The following HSP90AA1 variants were observed in gnomAD, a reference collection of about 807,000 sequenced individuals.
HSP90AA1 encodes the protein heat shock protein 90 alpha family class A member 1.
A neutral mutation model predicts 73.3 loss-of-function variants in HSP90AA1; 18 were observed. The ratio of observed to expected loss-of-function variants is 0.25; its 90% CI spans 0.17 to 0.36. The LOEUF is 0.36. Ranked by LOEUF, HSP90AA1 falls within the 10% of genes least tolerant of loss-of-function variation. The pLI is 1.00. For synonymous variants in HSP90AA1, 477 were observed against 296.9 expected (o/e 1.61, Z -6.24); for missense variants, 704 against 874.2 (o/e 0.81, Z 2.45).
chr14:102,085,541 T>C (rs2049207482), intron 3 of HSP90AA1, 110 bp from the exon 4 acceptor site: 8 of 1,252,148 alleles, frequency 6.4e-6, no homozygotes, highest in Non-Finnish European at 9.2e-6. Context: ...TTACTACAGA[T>C]GCAAAGGCCA....
chr14:102,089,650 C>G (rs575991489), upstream of HSP90AA1, among the ~76,000 whole-genome samples: 209 of 152,212 alleles, frequency 1.4e-3, 1 homozygote, highest in African/African-American at 4.8e-3. Context: ...CGGAAGAGCC[C>G]GGCCAGGACT....
intron 1 of HSP90AA1, among the ~76,000 whole-genome samples, chr14:102,121,227 A>C (rs2049775204): frequency 6.6e-6 from 1 of 151,012 alleles, no homozygotes; most frequent in Admixed American, 6.6e-5. Flanking sequence ...TATATTTTGG[A>C]TATGTTTTCA....
chr14:102,133,627 G>A (rs1242102514), intron 1 of HSP90AA1, among the ~76,000 whole-genome samples: 1 of 151,844 alleles, frequency 6.6e-6, no homozygotes, highest in Non-Finnish European at 1.5e-5. Flanking sequence ...GGGATTACAG[G>A]CATATGGCAC....
At chr14:102,114,859 G>C (rs1001456860) in intron 1 of HSP90AA1, among the ~76,000 whole-genome samples, 2 of 152,088 alleles carry the variant, frequency 1.3e-5, no homozygotes, top group African/African-American at 4.8e-5. Flanking sequence ...AATTGGCCAG[G>C]CATGGTGGCT....
chr14:102,085,246 AC>A, intron 4 of HSP90AA1, 51 bp downstream of exon 4: 3 of 1,575,896 alleles, frequency 1.9e-6, no homozygotes, highest in Non-Finnish European at 2.6e-6. Context: ...TAGTACAGTC[AC>A]CCCAATCACC....
intron 1 of HSP90AA1, among the ~76,000 whole-genome samples, chr14:102,136,192 A>C (rs551745037): frequency 6.6e-6 from 1 of 152,362 alleles, no homozygotes; most frequent in African/African-American, 2.4e-5. Context: ...AGAAGGAATT[A>C]ATGCACAAAA....
chr14:102,113,365 TTTAA>T lies in HSP90AA1; in HGVS notation c.156-11284_156-11281del, dbSNP rs772803863. 1.7e-3 allele frequency among the ~76,000 whole-genome samples: 254 copies of T among 151,264 alleles called. 3 individuals are homozygous for T. The highest frequency in any genetic ancestry group is 1.0e-3 in the South Asian group (5 of 4,784). On this transcript the variant is annotated intron_variant, in intron 1 of 11. Transcript: ENST00000334701. Reference sequence around the variant, plus strand: ...TTCTCTCTCTCTCTCTCTTTCTTTCTTTAATTAATTTATTTATTTTTGAGACAGA... The same window carrying T: ...TTCTCTCTCTCTCTCTCTTTCTTTCTTTAATTTATTTATTTTTGAGACAGA...
At chr14:102,097,864 T>C (rs965477023) in intron 2 of HSP90AA1, among the ~76,000 whole-genome samples, 6 of 152,192 alleles carry the variant, frequency 3.9e-5, no homozygotes, top group African/African-American at 1.4e-4. Flanking sequence ...TATAGACTCT[T>C]GGGCTGGGCC....
intron 1 of HSP90AA1, among the ~76,000 whole-genome samples, chr14:102,127,622 A>G (rs1238539042): frequency 6.6e-6 from 1 of 152,146 alleles, no homozygotes; most frequent in Non-Finnish European, 1.5e-5. Context: ...ACAGTAAGCA[A>G]TAGGCAGAGG....
intron 9 of HSP90AA1, chr14:102,082,660 A>C (rs2049125935): frequency 1.7e-6 from 1 of 574,504 alleles, no homozygotes; most frequent in South Asian, 2.0e-5. Flanking sequence ...TCGCTCCATC[A>C]CCCAGGCTGG....
chr14:102,127,053 T>TA (rs1232846112), intron 1 of HSP90AA1, among the ~76,000 whole-genome samples: 8 of 132,334 alleles, frequency 6.0e-5, no homozygotes, highest in African/African-American at 1.9e-4. Context: ...TTTTTTTTTT[T>TA]AAATCACCTC....
At chr14:102,110,571 C>T (rs1341165450) in intron 1 of HSP90AA1, among the ~76,000 whole-genome samples, 1 of 150,596 alleles carries the variant, frequency 6.6e-6, no homozygotes. Flanking sequence ...AGGCGCCCAC[C>T]ACCATGCCCG....
At chr14:102,139,409 G>T (rs1397703762) in exon 1 of HSP90AA1, 9 of 1,554,006 alleles carry the variant, frequency 5.8e-6, no homozygotes, top group Non-Finnish European at 7.8e-6. Flanking sequence ...GGGCATCCGC[G>T]CTCCCCGTAG....
upstream of HSP90AA1, among the ~76,000 whole-genome samples, chr14:102,087,399 C>T (rs2049272815): frequency 6.6e-6 from 1 of 151,500 alleles, no homozygotes; most frequent in Non-Finnish European, 1.5e-5. Flanking sequence ...CGCGGGCGGG[C>T]GGAGGGCACG....
At chr14:102,109,325 C>T (rs1056835023) in intron 1 of HSP90AA1, among the ~76,000 whole-genome samples, 1 of 152,158 alleles carries the variant, frequency 6.6e-6, no homozygotes, top group Non-Finnish European at 1.5e-5. Context: ...TTGGCTGTGT[C>T]CTCACCCAAA....
chr14:102,094,790 A>G (rs1180433997), intron 2 of HSP90AA1, among the ~76,000 whole-genome samples: 1 of 152,152 alleles, frequency 6.6e-6, no homozygotes, highest in Non-Finnish European at 1.5e-5. Context: ...TGGAGATCAT[A>G]GGAGGCATTG....
At chr14:102,128,988 T>A (rs1020047855) in intron 1 of HSP90AA1, among the ~76,000 whole-genome samples, 27 of 152,086 alleles carry the variant, frequency 1.8e-4, no homozygotes, top group African/African-American at 5.3e-4. Flanking sequence ...AATTTCTTTA[T>A]GGCGCTCCCT....
At chr14:102,136,952 G>A (rs999445888) in intron 1 of HSP90AA1, among the ~76,000 whole-genome samples, 2 of 151,526 alleles carry the variant, frequency 1.3e-5, no homozygotes, top group Non-Finnish European at 2.9e-5. Flanking sequence ...GGTGGCTCAC[G>A]CCTGTAATCC....
At chr14:102,107,413 CT>C (rs1566730033) in intron 1 of HSP90AA1, among the ~76,000 whole-genome samples, 1 of 151,948 alleles carries the variant, frequency 6.6e-6, no homozygotes, top group Admixed American at 6.6e-5. Flanking sequence ...CAACCTCTGC[CT>C]CCCGGGTTCA....
Sources: gnomAD v4.1 joint callset for allele counts (sites outside exome capture counted in the v4.1 genomes callset) on GRCh38, gnomAD v4.1.1 for gene constraint, MANE v1.5 for transcripts, NCBI Gene and HGNC (gene_info 2026-07-23, HGNC 2026-07-21) for gene names.